BACH2: variants seen among roughly 807,000 people sequenced by gnomAD.
The protein encoded by BACH2 is transcription regulator protein BACH2.
BACH2 carries 5 observed loss-of-function variants against 61.8 expected under a neutral mutation model. The ratio of observed to expected loss-of-function variants is 0.08; its 90% CI spans 0.04 to 0.17. The LOEUF (loss-of-function observed/expected upper bound fraction) is 0.17, where lower values mean the gene tolerates loss of function less well. Ranked by LOEUF, BACH2 falls within the 10% of genes least tolerant of loss-of-function variation. The probability of loss-of-function intolerance (pLI) is 1.00; values close to 1 mark genes in which losing one functional copy is unlikely to be tolerated. For synonymous variants in BACH2, 446 were observed against 440.1 expected (o/e 1.01, Z -0.17); for missense variants, 824 against 1,091.1 (o/e 0.76, Z 3.45).
intron 6 of BACH2, among the ~76,000 whole-genome samples, chr6:89,998,979 T>C (rs149512523): frequency 6.6e-6 from 1 of 152,302 alleles, no homozygotes; most frequent in African/African-American, 2.4e-5. Flanking sequence ...GTAACTTTAT[T>C]GATATCCTCA....
chr6:90,153,480 A>G lies in BACH2; in HGVS notation c.-162+53089T>C, dbSNP rs187990890. Among the ~76,000 whole-genome samples the G allele has an allele frequency of 1.7e-4, 26 of 152,332 alleles. 1 individual carries two copies. The East Asian group carries it at 5.0e-3, about 29-fold the overall frequency. ...TTCAATTTCAAGTCATTTCAATACT[A>G]TATTCTCAGTTAATGTCCTGAAACA... On this transcript the variant is annotated intron_variant, in intron 4 of 8. Coordinates refer to ENST00000257749, the MANE Select transcript of BACH2 (RefSeq NM_021813.4).
intron 3 of BACH2, among the ~76,000 whole-genome samples, chr6:90,251,669 A>G (rs965994517): frequency 6.6e-6 from 1 of 152,150 alleles, no homozygotes; most frequent in Non-Finnish European, 1.5e-5. Context: ...AGAGGGTAAC[A>G]CCTGGAGTAA....
chr6:90,102,950 A>G (rs886591727), intron 4 of BACH2, among the ~76,000 whole-genome samples: 9 of 138,330 alleles, frequency 6.5e-5, no homozygotes, highest in Non-Finnish European at 1.4e-4. Flanking sequence ...AATATACAAT[A>G]CTTTGAGGGG....
At chr6:90,069,884 G>T (rs1287583694) in intron 5 of BACH2, among the ~76,000 whole-genome samples, 1 of 152,134 alleles carries the variant, frequency 6.6e-6, no homozygotes, top group Admixed American at 6.5e-5. Context: ...AAGCAGGAGA[G>T]GAATGTGAGC....
At chr6:89,962,882 C>T (rs1188127400) in intron 6 of BACH2, among the ~76,000 whole-genome samples, 2 of 152,128 alleles carry the variant, frequency 1.3e-5, no homozygotes, top group African/African-American at 4.8e-5. Flanking sequence ...CTATATCAAA[C>T]TTAAAATCTG....
chr6:90,059,199 G>A (rs749014876), intron 5 of BACH2, among the ~76,000 whole-genome samples: 7 of 152,228 alleles, frequency 4.6e-5, no homozygotes, highest in Non-Finnish European at 7.3e-5. Flanking sequence ...CCTACAGAAC[G>A]GGAGAAAAGT....
intron 3 of BACH2, among the ~76,000 whole-genome samples, chr6:90,214,493 G>C (rs1365026681): frequency 5.3e-5 from 8 of 152,122 alleles, no homozygotes; most frequent in Admixed American, 2.6e-4. Context: ...AAGCGTTAAG[G>C]GGGCCAGCTA....
At chr6:90,170,809 C>T (rs1013005328) in intron 4 of BACH2, among the ~76,000 whole-genome samples, 2 of 152,126 alleles carry the variant, frequency 1.3e-5, no homozygotes, top group Admixed American at 1.3e-4. Flanking sequence ...ATGCTGAGTA[C>T]TAAAAATATT....
intron 5 of BACH2, among the ~76,000 whole-genome samples, chr6:90,012,126 T>G (rs1475621612): frequency 1.3e-5 from 2 of 152,122 alleles, no homozygotes; most frequent in African/African-American, 4.8e-5. Flanking sequence ...ACTATCATAG[T>G]GTCTTGATTT....
chr6:90,161,154 G>A (rs917003262), intron 4 of BACH2, among the ~76,000 whole-genome samples: 2 of 150,624 alleles, frequency 1.3e-5, no homozygotes, highest in Non-Finnish European at 2.9e-5. Flanking sequence ...CTTTTACAAT[G>A]GGACAGATCT....
At chr6:90,088,716 T>G (rs546573555) in intron 5 of BACH2, among the ~76,000 whole-genome samples, 124 of 152,248 alleles carry the variant, frequency 8.1e-4, no homozygotes, top group African/African-American at 3.0e-3. Context: ...AAATCTGAGC[T>G]TGAGGCCCAG....
chr6:89,932,707 T>C lies in BACH2; in HGVS notation c.2227A>G (p.Ser743Gly), dbSNP rs965034801. 1 of 1,614,124 alleles carries C rather than the reference T, an allele frequency of 6.2e-7. No individual in the cohort carries two copies. Among genetic ancestry groups the C allele is most frequent in the Non-Finnish European group, 8.5e-7 (1 of 1,180,016 alleles). Residue 743 changes from serine to glycine, a missense_variant, in exon 9 of 9, where the codon AGT becomes GGT. This residue lies in a region of BACH2 where 135 missense variants were observed against 142.7 expected (regional missense o/e 0.95). Transcript: ENST00000257749. The part of the protein sequence containing the change: ...LRPMDLPTAS[S>G]INPAPLGAEQ... Reference sequence around the variant, plus strand: ...GCACCCAAGGGCGCAGGGTTAATACTGGAGGCCGTGGGCAAGTCCATGGGT... The same window carrying C: ...GCACCCAAGGGCGCAGGGTTAATACCGGAGGCCGTGGGCAAGTCCATGGGT...
At chr6:89,941,431 C>G (rs3734661) in intron 7 of BACH2, among the ~76,000 whole-genome samples, 6,435 of 152,136 alleles carry the variant, frequency 0.042, 307 homozygotes, top group East Asian at 0.21. Flanking sequence ...AATTTTGGTC[C>G]AAGAAAGCAA....
chr6:90,012,567 T>C (rs563818627), intron 5 of BACH2, among the ~76,000 whole-genome samples: 41 of 151,060 alleles, frequency 2.7e-4, no homozygotes, highest in African/African-American at 1.0e-3. Context: ...AGGAAGAGGT[T>C]GCAGTGAGCT....
At chr6:90,070,379 A>G (rs944345812) in intron 5 of BACH2, among the ~76,000 whole-genome samples, 4 of 152,132 alleles carry the variant, frequency 2.6e-5, no homozygotes, top group Non-Finnish European at 4.4e-5. Flanking sequence ...CTTCTGTTTC[A>G]CTAAACAGCC....
chr6:90,192,977 G>A (rs936279828), intron 4 of BACH2, among the ~76,000 whole-genome samples: 6 of 152,232 alleles, frequency 3.9e-5, no homozygotes, highest in Non-Finnish European at 7.3e-5. Context: ...TTCTGAGAAA[G>A]ATGGGGTGGC....
At chr6:90,163,021 C>T (rs571631297) in intron 4 of BACH2, among the ~76,000 whole-genome samples, 1 of 152,278 alleles carries the variant, frequency 6.6e-6, no homozygotes, top group East Asian at 1.9e-4. Flanking sequence ...TCCCGAAAAG[C>T]TTATTTTTCC....
intron 4 of BACH2, among the ~76,000 whole-genome samples, chr6:90,205,931 T>C (rs1769130198): frequency 6.6e-6 from 1 of 152,186 alleles, no homozygotes; most frequent in African/African-American, 2.4e-5. Context: ...ATAGGGCCCA[T>C]CTGGTAATAA....
intron 4 of BACH2, among the ~76,000 whole-genome samples, chr6:90,146,990 T>G (rs189046772): frequency 2.0e-5 from 3 of 152,294 alleles, no homozygotes; most frequent in Admixed American, 2.0e-4. Flanking sequence ...GATCCTACTC[T>G]TTCATTTCTA....
Sources: gnomAD v4.1 joint callset for allele counts (sites outside exome capture counted in the v4.1 genomes callset) on GRCh38, gnomAD v4.1.1 for gene constraint, gnomAD v4.1.1 regional missense constraint, MANE v1.5 for transcripts, NCBI Gene and HGNC (gene_info 2026-07-23, HGNC 2026-07-21) for gene names.